The following DELE1 variants were observed in gnomAD, a reference collection of about 807,000 sequenced individuals.
DELE1 encodes DAP3 binding cell death enhancer 1, also known as death ligand signal enhancer.
In DELE1, 54 loss-of-function variants were observed where a neutral mutation model predicts 59.3. That is an observed-to-expected ratio of 0.91 (90% confidence interval 0.73 to 1.14). The LOEUF is 1.14. DELE1 is among the 50% of genes most tolerant of loss of function. DELE1 has a pLI of 0.00. For missense variants in DELE1, 636 were observed against 643.9 expected (o/e 0.99, Z 0.13); for synonymous variants, 264 against 259.1 (o/e 1.02, Z -0.18).
chr5:141,934,975 T>G, intron 10 of DELE1: 1 of 211,554 alleles, frequency 4.7e-6, no homozygotes, highest in Admixed American at 5.3e-5. Context: ...AGAATAATAA[T>G]GCTTGCCTTA....
In DELE1 at chr5:141,941,348, A is replaced by G. The variant is rs928014093; in HGVS notation, c.*2589A>G. The G allele has an allele frequency of 3.7e-5, 36 of 985,422 alleles. No individual in the cohort carries two copies. Among genetic ancestry groups the G allele is most frequent in the South Asian group, 9.4e-5 (2 of 21,288 alleles). 61.0% of individuals were successfully genotyped at this position (985,422 alleles called of 1,614,324 possible). On this transcript the variant is annotated 3_prime_UTR_variant, in exon 12 of 12. Transcript: ENST00000432126. ...GGGTAGGATATTTTTAAGCTCTCCA[A>G]TTTAAAAAGGAAGGGCCTCTCCTGT...
rs564159851 is a variant in DELE1 at position 141,929,774 on chromosome 5, AG to A, written c.571+39del. 972 of 1,611,892 alleles carry A rather than the reference AG, an allele frequency of 6.0e-4. 12 individuals are homozygous for A. In the South Asian group the frequency reaches 9.9e-3, roughly 16 times the overall value. On this transcript the variant is annotated intron_variant, in intron 5 of 11. Transcript: ENST00000432126. Reference sequence around the variant, plus strand: ...CTGCCTCATGGAATCAGCAGAAGGCAGGGGGCGGTGGTGGTGAGCTGGGCAA... The same window carrying A: ...CTGCCTCATGGAATCAGCAGAAGGCAGGGGCGGTGGTGGTGAGCTGGGCAA...
chr5:141,938,469 G>A (rs1294074653), intron 11 of DELE1, 52 bp from the exon 12 acceptor site: 1 of 1,574,470 alleles, frequency 6.4e-7, no homozygotes, highest in African/African-American at 1.4e-5. Flanking sequence ...TCCAAAGTAG[G>A]AGTCCAAGAA....
At chr5:141,938,427 C>T (rs1752536475) in intron 11 of DELE1, 94 bp from the exon 12 acceptor site, 2 of 1,531,736 alleles carry the variant, frequency 1.3e-6, no homozygotes, top group African/African-American at 2.7e-5. Context: ...TTAACAATGC[C>T]TGGGGAACCA....
Position 141,925,468 on chromosome 5 carries a change from G to A in DELE1, c.205G>A (p.Ala69Thr). Residue 69 changes from alanine (A) to threonine (T), a missense_variant, in exon 3 of 12, where the codon GCC (alanine) becomes ACC (threonine). Coordinates refer to ENST00000432126, the MANE Select transcript of DELE1 (RefSeq NM_014773.5). ...GGPRSHGWKD[A>T]FQWMSSRVSP... ...TCCAAGGTCCCATGGATGGAAGGAT[G>A]CCTTCCAATGGATGTCTTCCCGTGT... 2 of 1,605,070 alleles carry A rather than the reference G, an allele frequency of 1.2e-6. No homozygotes were observed. Among genetic ancestry groups the A allele is most frequent in the Non-Finnish European group, 1.7e-6 (2 of 1,176,002 alleles).
chr5:141,933,111 A>AAATATATATATAT (rs1554076875), intron 7 of DELE1, 148 bp from the exon 8 acceptor site: 2 of 94,438 alleles, frequency 2.1e-5, no homozygotes, highest in South Asian at 8.3e-4. Flanking sequence ...AAAAAAAAAA[A>AAATATATATATAT]ATATATATAT....
In DELE1 at chr5:141,934,225, C is replaced by T. The variant is rs1292471047; in HGVS notation, c.898-15C>T. 6.3e-7 allele frequency: 1 copy of T among 1,585,588 alleles called. No homozygotes were observed. The highest frequency in any genetic ancestry group is 8.6e-7 in the Non-Finnish European group (1 of 1,161,212). ...AGAGTTGCCAGCCGACTGGGTGTTT[C>T]TCCCTTTGCCCCAGGCGGTCCTTTA... On this transcript the variant is annotated splice_polypyrimidine_tract_variant and intron_variant, in intron 8 of 11. Coordinates refer to ENST00000432126, the MANE Select transcript of DELE1 (RefSeq NM_014773.5).
chr5:141,933,234 G>T (rs757123579), intron 7 of DELE1, 25 bp from the exon 8 acceptor site: 1 of 1,511,746 alleles, frequency 6.6e-7, no homozygotes. Flanking sequence ...AGGAAGCTGT[G>T]TTTGTGCCCT....
At chr5:141,927,014 C>A (rs868176891) in intron 3 of DELE1, among the ~76,000 whole-genome samples, 24 of 152,358 alleles carry the variant, frequency 1.6e-4, no homozygotes, top group Middle Eastern at 6.8e-3. Flanking sequence ...TTCCCTGACT[C>A]CTTGTCTTGT....
At chr5:141,930,680 C>T (rs1281840153) in intron 7 of DELE1, among the ~76,000 whole-genome samples, 12 of 152,172 alleles carry the variant, frequency 7.9e-5, no homozygotes, top group South Asian at 2.1e-4. Context: ...TTGGAGGGCA[C>T]GTAGCATTCT....
Position 141,938,692 on chromosome 5 carries a change from C to G in DELE1, c.1481C>G (p.Ser494Cys). 1 of 1,614,116 alleles carries G rather than the reference C, an allele frequency of 6.2e-7. No homozygotes were observed. Among genetic ancestry groups the G allele is most frequent in the Non-Finnish European group, 8.5e-7 (1 of 1,180,034 alleles). ...CATCTCGGAGCCAGCCTGGAAGCCT[C>G]CAGCAGGGCTATTCCCCCACACCCC... ...SGHLGASLEA[S>C]SRAIPPHPYP... is the part of the protein sequence containing the mutation. Residue 494 changes from serine (S) to cysteine (C), a missense_variant, in exon 12 of 12, where the codon TCC (serine) becomes TGC (cysteine). Ser to Cys is a moderately radical substitution (Grantham distance 112, BLOSUM62 -1). Coordinates refer to ENST00000432126, the MANE Select transcript of DELE1 (RefSeq NM_014773.5).
chr5:141,933,330 T>C lies in DELE1; in HGVS notation c.826T>C (p.Tyr276His). The C allele has an allele frequency of 6.4e-7, 1 of 1,568,344 alleles. No individual in the cohort carries two copies. The highest frequency in any genetic ancestry group is 8.7e-7 in the Non-Finnish European group (1 of 1,147,564). The change falls in exon 8 of 12, where the codon TAC (tyrosine) becomes CAC (histidine). Residue 276 changes from tyrosine to histidine, a missense_variant. Tyr to His is a moderately conservative substitution (Grantham distance 83, BLOSUM62 2). Coordinates refer to ENST00000432126, the MANE Select transcript of DELE1 (RefSeq NM_014773.5). ...SYFQKAAARGYSKAQYNAGLC... is the reference protein window; with the variant it reads ...SYFQKAAARGHSKAQYNAGLC... Reference sequence around the variant, plus strand: ...CTTCCAGAAAGCTGCAGCCCGCGGCTACAGCAAAGCGCAGTACAATGCGGG... The same window carrying C: ...CTTCCAGAAAGCTGCAGCCCGCGGCCACAGCAAAGCGCAGTACAATGCGGG...
Position 141,940,845 on chromosome 5 carries a change from G to T in DELE1, c.*2086G>T. On this transcript the variant is annotated 3_prime_UTR_variant, in exon 12 of 12. Transcript: ENST00000432126. The stretch of plus-strand genomic sequence containing the variant: ...AGCTCAGGGTTTTAAGCTGTGCAGT[G>T]CACTAAGCTCTCTGCCAAAAAACAA... 1.0e-6 allele frequency: 1 copy of T among 985,474 alleles called. No individual in the cohort carries two copies. The highest frequency in any genetic ancestry group is 1.2e-6 in the Non-Finnish European group (1 of 829,954). 61.0% of individuals were successfully genotyped at this position (985,474 alleles called of 1,614,324 possible).
Position 141,941,532 on chromosome 5 carries a change from A to G in DELE1, c.*2773A>G, listed in dbSNP as rs890179927. The G allele has an allele frequency of 2.9e-5, 29 of 985,330 alleles. No homozygotes were observed. The highest frequency in any genetic ancestry group is 1.2e-4 in the Admixed American group (2 of 16,260). The allele number at this position is 985,330 out of a possible 1,614,324, so 61.0% of individuals were successfully genotyped here. ...TTTTGCCATTAAAATTCTGTTATTAATGACTCATCATCAGTGCCCCAGAGG... is the reference window on the plus strand; with the variant it reads ...TTTTGCCATTAAAATTCTGTTATTAGTGACTCATCATCAGTGCCCCAGAGG... On this transcript the variant is annotated 3_prime_UTR_variant, in exon 12 of 12. Transcript: ENST00000432126.
At chr5:141,927,342 G>T (rs924604701) in intron 3 of DELE1, among the ~76,000 whole-genome samples, 6 of 152,102 alleles carry the variant, frequency 3.9e-5, no homozygotes, top group Non-Finnish European at 8.8e-5. Context: ...TGGGATTACA[G>T]GTGTGCCCCA....
chr5:141,934,494 G>A lies in DELE1; in HGVS notation c.1057G>A (p.Ala353Thr). The A allele has an allele frequency of 6.2e-7, 1 of 1,614,220 alleles. No individual in the cohort carries two copies. Among genetic ancestry groups the A allele is most frequent in the South Asian group, 1.1e-5 (1 of 91,088 alleles). Reference sequence around the variant, plus strand: ...TCTTTTCCTTCCTCCTTGACCACAGGCCCAAGCTTTCCTCGGGGTGCTTTT... The same window carrying A: ...TCTTTTCCTTCCTCCTTGACCACAGACCCAAGCTTTCCTCGGGGTGCTTTT... ...KQAADSGLRE[A>T]QAFLGVLFTK... is the part of the protein sequence containing the mutation. The change falls in exon 10 of 12, where the codon GCC becomes ACC. Residue 353 changes from alanine (A) to threonine (T), a missense_variant and splice_region_variant. By Grantham distance (58) the Ala-to-Thr change is moderately conservative. Transcript: ENST00000432126.
At chr5:141,925,563 G>A (rs1751333639) in intron 3 of DELE1, 36 bp downstream of exon 3, 4 of 1,386,580 alleles carry the variant, frequency 2.9e-6, no homozygotes, top group African/African-American at 2.9e-5. Flanking sequence ...GACCTTCAGT[G>A]TAGATGAGAA....
At chr5:141,924,059 A>G in intron 1 of DELE1, 87 bp downstream of exon 1, 1 of 1,529,424 alleles carries the variant, frequency 6.5e-7, no homozygotes. Context: ...AGCCGAAGCG[A>G]TCGTGGGCCG....
chr5:141,935,914 C>G (rs151300176), intron 10 of DELE1, among the ~76,000 whole-genome samples: 1 of 152,160 alleles, frequency 6.6e-6, no homozygotes, highest in Admixed American at 6.5e-5. Context: ...TTTGGCCTTA[C>G]GTGTGTCCAC....
Sources: gnomAD v4.1 joint callset for allele counts (sites outside exome capture counted in the v4.1 genomes callset) on GRCh38, gnomAD v4.1.1 for gene constraint, MANE v1.5 for transcripts, NCBI Gene and HGNC (gene_info 2026-07-23, HGNC 2026-07-21) for gene names.